Variants in FARS2 observed in about 807,000 individuals in gnomAD.
FARS2 encodes the protein phenylalanine--tRNA ligase, mitochondrial.
A neutral mutation model predicts 46.4 loss-of-function variants in FARS2; 40 were observed. The ratio of observed to expected loss-of-function variants is 0.86; its 90% CI spans 0.67 to 1.12. The LOEUF (loss-of-function observed/expected upper bound fraction) is 1.12. Ranked by LOEUF, FARS2 falls within the 50% of genes most tolerant of loss-of-function variation. The pLI is 0.00. For synonymous variants in FARS2, 234 were observed against 214.9 expected, an observed-to-expected ratio of 1.09 and a Z score of -0.78; for missense variants, 513 against 567.9, an observed-to-expected ratio of 0.90 and a Z score of 0.98.
intron 6 of FARS2, among the ~76,000 whole-genome samples, chr6:5,641,383 A>C (rs1776810632): frequency 6.6e-6 from 1 of 151,860 alleles, no homozygotes; most frequent in Non-Finnish European, 1.5e-5. Flanking sequence ...TGCAACCTCC[A>C]CCCCCTGGGT....
intron 1 of FARS2, among the ~76,000 whole-genome samples, chr6:5,340,210 C>T (rs1021178653): frequency 6.6e-6 from 1 of 152,212 alleles, no homozygotes; most frequent in African/African-American, 2.4e-5. Flanking sequence ...GATAAGGTAG[C>T]AACTAGTCAC....
At chr6:5,661,932 A>G (rs552005448) in intron 6 of FARS2, among the ~76,000 whole-genome samples, 1 of 152,202 alleles carries the variant, frequency 6.6e-6, no homozygotes, top group African/African-American at 2.4e-5. Flanking sequence ...CAGAGGAGAG[A>G]TGTTACAGTG....
At chr6:5,745,325 G>A (rs576539029) in intron 6 of FARS2, among the ~76,000 whole-genome samples, 21 of 152,366 alleles carry the variant, frequency 1.4e-4, no homozygotes, top group African/African-American at 4.6e-4. Context: ...AACAGTTGAG[G>A]TAGGCCATCT....
rs184931738 is a variant in FARS2, at chr6:5,593,631, C to T, written c.1066-19538C>T. The stretch of plus-strand genomic sequence containing the variant: ...GGAACAAAGGCTGTCTCCATATTAC[C>T]TGTCAAGTAAGGACAATGGTGAGGC... On this transcript the variant is annotated intron_variant, in intron 5 of 6. Coordinates refer to ENST00000274680, the MANE Select transcript of FARS2 (RefSeq NM_006567.5). 5.3e-5 allele frequency among the ~76,000 whole-genome samples: 8 copies of T among 152,318 alleles called. No homozygotes were observed. The East Asian group carries it at 1.5e-3, about 29-fold the overall frequency.
At chr6:5,703,355 A>G (rs1758556620) in intron 6 of FARS2, among the ~76,000 whole-genome samples, 1 of 151,928 alleles carries the variant, frequency 6.6e-6, no homozygotes, top group Non-Finnish European at 1.5e-5. Flanking sequence ...GACCCAGTAC[A>G]TTATTTTAGA....
intron 2 of FARS2, among the ~76,000 whole-genome samples, chr6:5,389,623 A>T (rs1760361350): frequency 6.6e-6 from 1 of 152,196 alleles, no homozygotes; most frequent in South Asian, 2.1e-4. Context: ...TTGACTTATG[A>T]AGCTAGAATT....
chr6:5,585,434 A>T (rs1192962554), intron 5 of FARS2, among the ~76,000 whole-genome samples: 2 of 152,140 alleles, frequency 1.3e-5, no homozygotes, highest in African/African-American at 4.8e-5. Context: ...TATTAATCTT[A>T]TAACTAGAAG....
intron 6 of FARS2, among the ~76,000 whole-genome samples, chr6:5,692,696 A>C (rs1757830599): frequency 6.6e-6 from 1 of 152,280 alleles, no homozygotes; most frequent in Non-Finnish European, 1.5e-5. Flanking sequence ...ATAATGTATA[A>C]AAATCGATAA....
chr6:5,755,401 C>G (rs545826449), intron 6 of FARS2, among the ~76,000 whole-genome samples: 55 of 151,760 alleles, frequency 3.6e-4, no homozygotes, highest in Non-Finnish European at 7.8e-4. Flanking sequence ...CATGTGTTCT[C>G]ATTGTTCAAC....
At chr6:5,573,982 A>T (rs1189482543) in intron 5 of FARS2, among the ~76,000 whole-genome samples, 3 of 152,174 alleles carry the variant, frequency 2.0e-5, no homozygotes, top group Non-Finnish European at 4.4e-5. Flanking sequence ...AATGGTGAAA[A>T]TTGGAAAAAT....
At chr6:5,356,397 G>A (rs966600145) in intron 1 of FARS2, among the ~76,000 whole-genome samples, 2 of 152,206 alleles carry the variant, frequency 1.3e-5, no homozygotes, top group African/African-American at 4.8e-5. Context: ...GTTGCAGTGA[G>A]CTGAGATGGC....
At chr6:5,627,217 A>G (rs1776080268) in intron 6 of FARS2, among the ~76,000 whole-genome samples, 2 of 152,156 alleles carry the variant, frequency 1.3e-5, no homozygotes, top group East Asian at 3.8e-4. Flanking sequence ...GCATGACTGT[A>G]TTTTATAAGA....
intron 5 of FARS2, among the ~76,000 whole-genome samples, chr6:5,586,588 G>A (rs149204216): frequency 2.0e-5 from 3 of 152,188 alleles, no homozygotes; most frequent in African/African-American, 4.8e-5. Context: ...TGAATTTAAT[G>A]TACTAGTATT....
At chr6:5,706,937 G>A (rs1248210149) in intron 6 of FARS2, among the ~76,000 whole-genome samples, 2 of 152,216 alleles carry the variant, frequency 1.3e-5, no homozygotes, top group Non-Finnish European at 2.9e-5. Flanking sequence ...GCGGAGCTGT[G>A]ATAGAGTCTG....
rs753869644 is a variant in FARS2, at chr6:5,471,350, G to A, written c.904+40178G>A. Among the ~76,000 whole-genome samples the A allele has an allele frequency of 7.2e-5, 11 of 152,176 alleles. No homozygotes were observed. The highest frequency in any genetic ancestry group is 1.5e-4 in the Non-Finnish European group (10 of 68,048). ...AGAGGGAATTTCCTGAGACTCCATA[G>A]CAAGAGTCAGAATTTCAGCAAAAAC... is the stretch of plus-strand genomic sequence containing the variant. On this transcript the variant is annotated intron_variant, in intron 4 of 6. Coordinates refer to ENST00000274680, the MANE Select transcript of FARS2 (RefSeq NM_006567.5). This position sits in a 1 kb window ranked among gnomAD's most constrained non-coding sequence, Gnocchi z 4.1.
chr6:5,482,201 T>A (rs1440114019), intron 4 of FARS2, among the ~76,000 whole-genome samples: 1 of 151,994 alleles, frequency 6.6e-6, no homozygotes, highest in Non-Finnish European at 1.5e-5. Context: ...GGAAGCACAA[T>A]CCCTCCTCAC....
intron 1 of FARS2, among the ~76,000 whole-genome samples, chr6:5,346,903 T>C (rs1757271822): frequency 6.7e-6 from 1 of 149,336 alleles, no homozygotes; most frequent in African/African-American, 2.4e-5. Flanking sequence ...AGTTATACCA[T>C]TCATTAGGTT....
chr6:5,274,049 G>C (rs552823512), intron 1 of FARS2, among the ~76,000 whole-genome samples: 1 of 152,076 alleles, frequency 6.6e-6, no homozygotes, highest in South Asian at 2.1e-4. Flanking sequence ...AGATATTCAC[G>C]TACAGGAAAA....
intron 1 of FARS2, among the ~76,000 whole-genome samples, chr6:5,358,758 T>G (rs991283241): frequency 6.6e-6 from 1 of 152,210 alleles, no homozygotes; most frequent in Non-Finnish European, 1.5e-5. Flanking sequence ...ATGTATTCAT[T>G]TAATTACAGA....
Sources: allele counts gnomAD v4.1 joint callset (sites outside exome capture counted in the v4.1 genomes callset), GRCh38; gene constraint gnomAD v4.1.1; non-coding constraint Gnocchi (gnomAD v3.1); transcripts MANE v1.5; gene names NCBI Gene and HGNC (gene_info 2026-07-23, HGNC 2026-07-21).